The following CCN4 variants were observed in gnomAD, a reference collection of about 807,000 sequenced individuals.
The protein encoded by CCN4 is cellular communication network factor 4.
In CCN4, 30 loss-of-function variants were observed where a neutral mutation model predicts 36.7. The ratio of observed to expected loss-of-function variants is 0.82; its 90% confidence interval spans 0.61 to 1.11. The LOEUF (loss-of-function observed/expected upper bound fraction) is 1.11. Ranked by LOEUF, CCN4 falls within the 50% of genes least tolerant of loss-of-function variation. The pLI is 0.00. For missense variants in CCN4, 505 were observed against 504.9 expected (o/e 1.00, Z 0.00); for synonymous variants, 191 against 195.4 (o/e 0.98, Z 0.19).
rs73711818 is a variant in CCN4, at chr8:133,217,102, T to C, written c.350-3479T>C. On this transcript the variant is annotated intron_variant, in intron 2 of 4. Transcript: ENST00000250160. ...CTACTTAGCCTTTTAAGTCTCAGTT[T>C]CTTCTTCAAGGAAAATGTGACAAAG... is the stretch of plus-strand genomic sequence containing the variant. Among the ~76,000 whole-genome samples, 1,049 of 152,368 alleles carry C rather than the reference T, an allele frequency of 6.9e-3. 12 individuals carry two copies. Among genetic ancestry groups the C allele is most frequent in the African/African-American group, 0.024 (988 of 41,584 alleles).
chr8:133,220,376 C>T (rs1854474191), intron 2 of CCN4, among the ~76,000 whole-genome samples: 1 of 152,212 alleles, frequency 6.6e-6, no homozygotes, highest in Non-Finnish European at 1.5e-5. Flanking sequence ...TCCTGCACTC[C>T]CTTTGCTGAA....
At chr8:133,198,459 C>T (rs1853467412) in intron 1 of CCN4, among the ~76,000 whole-genome samples, 1 of 152,198 alleles carries the variant, frequency 6.6e-6, no homozygotes, top group South Asian at 2.1e-4. Flanking sequence ...CCTCTCCCTG[C>T]TCTTCCTACA....
intron 4 of CCN4, among the ~76,000 whole-genome samples, chr8:133,226,096 A>C (rs1281730349): frequency 6.6e-6 from 1 of 152,178 alleles, no homozygotes; most frequent in Non-Finnish European, 1.5e-5. Flanking sequence ...TTCAGCTTTA[A>C]GAGTCCAAGA....
intron 2 of CCN4, 147 bp from the exon 3 acceptor site, chr8:133,220,434 G>T: frequency 2.5e-6 from 3 of 1,184,296 alleles, no homozygotes; most frequent in Middle Eastern, 2.8e-4. Flanking sequence ...ACACCTCCCT[G>T]CCTTTGCCTT....
At chr8:133,215,046 A>G (rs1033989088) in intron 2 of CCN4, among the ~76,000 whole-genome samples, 1 of 152,214 alleles carries the variant, frequency 6.6e-6, no homozygotes, top group Non-Finnish European at 1.5e-5. Context: ...TTCTGTGAAT[A>G]ACCATCCCAC....
chr8:133,199,486 G>A (rs1853507498), intron 1 of CCN4, among the ~76,000 whole-genome samples: 2 of 152,172 alleles, frequency 1.3e-5, no homozygotes, highest in South Asian at 2.1e-4. Context: ...GACTTAGAAA[G>A]AGGTTGGGTG....
At chr8:133,201,268 C>T (rs1302478854) in intron 1 of CCN4, among the ~76,000 whole-genome samples, 2 of 152,098 alleles carry the variant, frequency 1.3e-5, no homozygotes, top group African/African-American at 4.8e-5. Context: ...ATAACAGCAG[C>T]CTGCCTCTTA....
chr8:133,202,123 G>A (rs1853609248), intron 1 of CCN4, among the ~76,000 whole-genome samples: 2 of 152,292 alleles, frequency 1.3e-5, no homozygotes, highest in South Asian at 4.1e-4. Context: ...CAGTAAGCAG[G>A]TCTTGTGCAG....
intron 1 of CCN4, among the ~76,000 whole-genome samples, chr8:133,194,586 G>A (rs1376771683): frequency 8.8e-6 from 1 of 113,396 alleles, no homozygotes; most frequent in Admixed American, 8.6e-5. Flanking sequence ...GGGTGTGTGG[G>A]GTGTGTGGGG....
Position 133,212,964 on chromosome 8 carries a change from C to T in CCN4, c.170C>T (p.Pro57Leu). 1 of 1,614,088 alleles carries T rather than the reference C, an allele frequency of 6.2e-7. No homozygotes were observed. The highest frequency in any genetic ancestry group is 1.3e-5 in the African/African-American group (1 of 75,042). Residue 57 changes from proline (P) to leucine (L), a missense_variant, in exon 2 of 5, where the codon CCA (proline) becomes CTA (leucine). By Grantham distance (98) the Pro-to-Leu change is moderately conservative. Transcript: ENST00000250160. ...TGCAAGTGGCCATGTGAGTGCCCGC[C>T]ATCCCCACCCCGCTGCCCGCTGGGG... ...QFCKWPCECPPSPPRCPLGVS... is the reference protein window; with the variant it reads ...QFCKWPCECPLSPPRCPLGVS...
At position 133,225,517 on chromosome 8, in the gene CCN4, G is replaced by A. The variant is rs759108619; in HGVS notation, c.738G>A (p.Trp246Ter). The A allele has an allele frequency of 4.3e-6, 7 of 1,613,784 alleles. No individual in the cohort carries two copies. The South Asian group carries it at 7.7e-5, about 18-fold the overall frequency. Reference sequence around the variant, plus strand: ...TCTCCAATGTTAACGCCCAGTGCTGGCCTGAGCAAGAGAGCCGCCTCTGCA... The same window carrying A: ...TCTCCAATGTTAACGCCCAGTGCTGACCTGAGCAAGAGAGCCGCCTCTGCA... ...TRISNVNAQC[W>*]PEQESRLCNL... The change falls in exon 4 of 5, where the codon TGG (tryptophan) becomes TGA (stop). Residue 246 changes from tryptophan to a stop codon, truncating the protein, a stop_gained. Transcript: ENST00000250160. LOFTEE classifies it high-confidence loss of function.
intron 4 of CCN4, among the ~76,000 whole-genome samples, chr8:133,225,801 T>C (rs1854713453): frequency 6.6e-6 from 1 of 152,134 alleles, no homozygotes; most frequent in Non-Finnish European, 1.5e-5. Flanking sequence ...ATCATATTAT[T>C]AGAATCAGGA....
intron 4 of CCN4, among the ~76,000 whole-genome samples, chr8:133,226,260 A>G (rs941349443): frequency 6.6e-6 from 1 of 152,184 alleles, no homozygotes; most frequent in Non-Finnish European, 1.5e-5. Flanking sequence ...AAGCAAAACA[A>G]AAAATTCAAC....
At chr8:133,218,858 A>G (rs1319049732) in intron 2 of CCN4, among the ~76,000 whole-genome samples, 1 of 152,188 alleles carries the variant, frequency 6.6e-6, no homozygotes, top group Non-Finnish European at 1.5e-5. Context: ...CATCTCACGC[A>G]TAATGGAGAA....
intron 3 of CCN4, among the ~76,000 whole-genome samples, chr8:133,225,126 G>A (rs1365445016): frequency 6.6e-6 from 1 of 152,168 alleles, no homozygotes; most frequent in Non-Finnish European, 1.5e-5. Context: ...TTTGAACTGG[G>A]ATCCACCTGT....
intron 1 of CCN4, among the ~76,000 whole-genome samples, chr8:133,212,370 GGTAT>G (rs1854080824): frequency 6.6e-6 from 1 of 151,958 alleles, no homozygotes; most frequent in Admixed American, 6.6e-5. Flanking sequence ...GGCCGAAACC[GGTAT>G]TAAGTAGGAG....
chr8:133,225,672 AT>A, intron 4 of CCN4, 89 bp downstream of exon 4: 1 of 1,321,200 alleles, frequency 7.6e-7, no homozygotes, highest in Non-Finnish European at 1.0e-6. Context: ...CGTGGGGAGC[AT>A]TTGTAAAGTG....
At chr8:133,197,605 G>A (rs2977520) in intron 1 of CCN4, among the ~76,000 whole-genome samples, 152,253 of 152,254 alleles carry the variant, frequency 1, 76,126 homozygotes, top group Non-Finnish European at 1. Flanking sequence ...AGACAGAGTC[G>A]AGGGAGAAGA....
At chr8:133,223,322 C>T (rs556552386) in intron 3 of CCN4, among the ~76,000 whole-genome samples, 1 of 152,204 alleles carries the variant, frequency 6.6e-6, no homozygotes, top group African/African-American at 2.4e-5. Flanking sequence ...AAAACCAAAG[C>T]CTCTTTATCC....
Sources: gnomAD v4.1 joint callset for allele counts (sites outside exome capture counted in the v4.1 genomes callset) on GRCh38, gnomAD v4.1.1 for gene constraint, MANE v1.5 for transcripts, NCBI Gene and HGNC (gene_info 2026-07-23, HGNC 2026-07-21) for gene names.